PHLPP1: variants seen among roughly 807,000 people sequenced by gnomAD.
PHLPP1 encodes PH domain and leucine rich repeat protein phosphatase 1.
In PHLPP1, 42 loss-of-function variants were observed where a neutral mutation model predicts 117.2. The ratio of observed to expected loss-of-function variants is 0.36; its 90% CI spans 0.28 to 0.46. PHLPP1 has a LOEUF of 0.46. PHLPP1 is among the 20% of genes least tolerant of loss of function. The pLI, the probability that PHLPP1 is intolerant of heterozygous loss-of-function variation, is 1.00. For missense variants in PHLPP1, 2,084 were observed against 2,241.9 expected, an observed-to-expected ratio of 0.93 and a Z score of 1.42; for synonymous variants, 1,042 against 970.7, an observed-to-expected ratio of 1.07 and a Z score of -1.37.
chr18:62,795,622 T>G (rs1913610974), intron 1 of PHLPP1, among the ~76,000 whole-genome samples: 1 of 152,074 alleles, frequency 6.6e-6, no homozygotes, highest in African/African-American at 2.4e-5. Context: ...TACAGGAATC[T>G]TTACAGGAAT....
intron 1 of PHLPP1, among the ~76,000 whole-genome samples, chr18:62,804,936 T>C (rs1325335721): frequency 6.7e-6 from 1 of 149,266 alleles, no homozygotes; most frequent in Non-Finnish European, 1.5e-5. Flanking sequence ...AGGTTATACA[T>C]ATACAGTATA....
In PHLPP1 at chr18:62,857,001, A is replaced by G. The variant is rs1270524144; in HGVS notation, c.1900-3434A>G. On this transcript the variant is annotated intron_variant, in intron 3 of 16. Coordinates refer to ENST00000262719, the MANE Select transcript of PHLPP1 (RefSeq NM_194449.4). Reference sequence around the variant, plus strand: ...TTTATTTATTTGTAAAGAAAGCTTAATAGGGGAGGGATCTTCATTTTGTTT... The same window carrying G: ...TTTATTTATTTGTAAAGAAAGCTTAGTAGGGGAGGGATCTTCATTTTGTTT... Among the ~76,000 whole-genome samples the G allele has an allele frequency of 2.0e-5, 3 of 152,120 alleles. 1 individual carries two copies. The highest frequency in any genetic ancestry group is 4.1e-4 in the South Asian group (2 of 4,822).
chr18:62,979,381 C>A lies in PHLPP1; in HGVS notation c.5104C>A (p.Arg1702=). 2 of 1,550,722 alleles carry A rather than the reference C, an allele frequency of 1.3e-6. No homozygotes were observed. Among genetic ancestry groups the A allele is most frequent in the Non-Finnish European group, 1.7e-6 (2 of 1,146,060 alleles). The part of the protein sequence containing the change: ...PPPQLQPQLP[R]HYQLDQLPDY... Reference sequence around the variant, plus strand: ...CCCTCAGCTCCAGCCGCAGCTGCCGCGGCACTACCAGCTGGACCAGCTGCC... The same window carrying A: ...CCCTCAGCTCCAGCCGCAGCTGCCGAGGCACTACCAGCTGGACCAGCTGCC... Residue 1702 remains arginine (R), a synonymous_variant, in exon 17 of 17, where the codon CGG becomes AGG. Transcript: ENST00000262719.
intron 1 of PHLPP1, among the ~76,000 whole-genome samples, chr18:62,724,802 C>T (rs1023797558): frequency 3.9e-5 from 6 of 152,116 alleles, no homozygotes; most frequent in Non-Finnish European, 5.9e-5. Flanking sequence ...AAAGGAACTT[C>T]TGATGGAACA....
At chr18:62,816,740 T>C (rs188945385) in intron 1 of PHLPP1, among the ~76,000 whole-genome samples, 47 of 152,332 alleles carry the variant, frequency 3.1e-4, no homozygotes, top group Admixed American at 2.8e-3. Flanking sequence ...GATATATTTT[T>C]TGTCTACTTG....
intron 1 of PHLPP1, among the ~76,000 whole-genome samples, chr18:62,773,410 T>C (rs1346058909): frequency 2.6e-5 from 4 of 152,202 alleles, no homozygotes; most frequent in Admixed American, 6.5e-5. Flanking sequence ...GGCCTTGATA[T>C]AGTTTACCTT....
chr18:62,773,360 T>A (rs1195139828), intron 1 of PHLPP1, among the ~76,000 whole-genome samples: 1 of 152,248 alleles, frequency 6.6e-6, no homozygotes, highest in Non-Finnish European at 1.5e-5. Flanking sequence ...TAATGTTGTT[T>A]GAACTTTGTA....
At chr18:62,768,972 G>A (rs887546889) in intron 1 of PHLPP1, among the ~76,000 whole-genome samples, 1 of 152,092 alleles carries the variant, frequency 6.6e-6, no homozygotes, top group African/African-American at 2.4e-5. Context: ...GTTAGTGATG[G>A]CTGCTATCCT....
At chr18:62,971,943 G>A (rs1396391951) in intron 14 of PHLPP1, among the ~76,000 whole-genome samples, 1 of 152,068 alleles carries the variant, frequency 6.6e-6, no homozygotes, top group Admixed American at 6.6e-5. Context: ...GGCTGAGGTG[G>A]GAGAATCGCT....
At chr18:62,915,786 G>A (rs1164654876) in intron 9 of PHLPP1, among the ~76,000 whole-genome samples, 1 of 152,194 alleles carries the variant, frequency 6.6e-6, no homozygotes, top group Admixed American at 6.5e-5. Context: ...TCCACTGGCC[G>A]TCTGTGGCTA....
intron 1 of PHLPP1, among the ~76,000 whole-genome samples, chr18:62,725,630 TAAAA>T (rs940401679): frequency 2.0e-5 from 3 of 151,828 alleles, no homozygotes; most frequent in Non-Finnish European, 4.4e-5. Context: ...TTCTGTCTCT[TAAAA>T]AAAGAGAGAG....
At chr18:62,750,741 G>A (rs1425518108) in intron 1 of PHLPP1, among the ~76,000 whole-genome samples, 1 of 150,362 alleles carries the variant, frequency 6.7e-6, no homozygotes, top group Non-Finnish European at 1.5e-5. Flanking sequence ...ACAAGCTACT[G>A]GGTTCTCCAC....
chr18:62,932,291 A>T (rs1909838946), intron 10 of PHLPP1, among the ~76,000 whole-genome samples: 1 of 146,074 alleles, frequency 6.8e-6, no homozygotes, highest in Non-Finnish European at 1.5e-5. Flanking sequence ...TATCATCCTG[A>T]TACCAAAATC....
At chr18:62,956,663 G>T (rs1004777936) in intron 12 of PHLPP1, among the ~76,000 whole-genome samples, 6 of 152,096 alleles carry the variant, frequency 3.9e-5, no homozygotes, top group African/African-American at 7.2e-5. Context: ...GTGTGTTAGG[G>T]TGGTAGATTT....
intron 3 of PHLPP1, among the ~76,000 whole-genome samples, chr18:62,841,148 A>G (rs1288317748): frequency 1.3e-5 from 2 of 152,066 alleles, no homozygotes; most frequent in Non-Finnish European, 2.9e-5. Context: ...TTGACCTTTC[A>G]AAGTGCTGGG....
At chr18:62,972,123 A>G (rs948814152) in intron 14 of PHLPP1, among the ~76,000 whole-genome samples, 1 of 152,138 alleles carries the variant, frequency 6.6e-6, no homozygotes, top group Admixed American at 6.5e-5. Context: ...GGTTTCGTCT[A>G]TTTTTCCCAG....
At chr18:62,781,950 C>T (rs1012221924) in intron 1 of PHLPP1, among the ~76,000 whole-genome samples, 6 of 152,126 alleles carry the variant, frequency 3.9e-5, no homozygotes, top group African/African-American at 1.4e-4. Context: ...TAAGAAAGTG[C>T]CAGTTGCCTC....
chr18:62,780,384 C>T (rs1599043744), intron 1 of PHLPP1, among the ~76,000 whole-genome samples: 1 of 152,186 alleles, frequency 6.6e-6, no homozygotes, highest in Non-Finnish European at 1.5e-5. Flanking sequence ...TTGGCCTTCT[C>T]ACAGTTTGAA....
intron 16 of PHLPP1, among the ~76,000 whole-genome samples, chr18:62,976,872 G>C (rs1156650344): frequency 6.6e-6 from 1 of 152,188 alleles, no homozygotes; most frequent in African/African-American, 2.4e-5. Flanking sequence ...GGTCACTGCT[G>C]TCTGCCCACG....
Sources: allele counts gnomAD v4.1 joint callset (sites outside exome capture counted in the v4.1 genomes callset), GRCh38; gene constraint gnomAD v4.1.1; transcripts MANE v1.5; gene names NCBI Gene and HGNC (gene_info 2026-07-23, HGNC 2026-07-21).